ARHGAP15: variants seen among roughly 807,000 people sequenced by gnomAD.
ARHGAP15 encodes the protein rho GTPase-activating protein 15.
Under a neutral mutation model 63.7 loss-of-function variants are expected in ARHGAP15, and 51 were observed. The observed-to-expected ratio is 0.80, with a 90% CI of 0.64 to 1.01. ARHGAP15 has a LOEUF of 1.01. Among genes scored for constraint, ARHGAP15 ranks in the 50% least tolerant of loss-of-function variants. The pLI, the probability that ARHGAP15 is intolerant of heterozygous loss-of-function variation, is 0.00. For missense variants in ARHGAP15, 560 were observed against 564.6 expected (o/e 0.99, Z 0.08); for synonymous variants, 191 against 193.8 (o/e 0.99, Z 0.12).
At chr2:143,527,153 T>C (rs1214801730) in intron 10 of ARHGAP15, among the ~76,000 whole-genome samples, 1 of 152,122 alleles carries the variant, frequency 6.6e-6, no homozygotes, top group East Asian at 1.9e-4. Flanking sequence ...TACTTTCAAA[T>C]TGTATACTCA....
intron 1 of ARHGAP15, among the ~76,000 whole-genome samples, chr2:143,131,249 A>G (rs893557024): frequency 6.6e-6 from 1 of 152,196 alleles, no homozygotes; most frequent in South Asian, 2.1e-4. Context: ...ATTGTTTGTA[A>G]AGAGCAGTAA....
At chr2:143,368,275 C>T (rs1427223760) in intron 6 of ARHGAP15, among the ~76,000 whole-genome samples, 1 of 151,898 alleles carries the variant, frequency 6.6e-6, no homozygotes, top group Non-Finnish European at 1.5e-5. Flanking sequence ...ATATGAAGAG[C>T]GTCTTAGACG....
At chr2:143,300,186 G>A (rs1187308928) in intron 6 of ARHGAP15, among the ~76,000 whole-genome samples, 2 of 151,996 alleles carry the variant, frequency 1.3e-5, no homozygotes, top group African/African-American at 2.4e-5. Context: ...AAGGGACCAG[G>A]TCTGTTGGTA....
intron 6 of ARHGAP15, among the ~76,000 whole-genome samples, chr2:143,265,923 T>G (rs1267835949): frequency 6.6e-6 from 1 of 152,110 alleles, no homozygotes; most frequent in Non-Finnish European, 1.5e-5. Context: ...ATTTAAAGTT[T>G]CAATAAAATA....
At position 143,569,057 on chromosome 2, in the gene ARHGAP15, A is replaced by G. The variant is rs573123949; in HGVS notation, c.1003+12572A>G. Reference sequence around the variant, plus strand: ...AGGGATAGCACTGGGAGAAATACCTAATGTAAATGACAGGTTGATGGGTGC... The same window carrying G: ...AGGGATAGCACTGGGAGAAATACCTGATGTAAATGACAGGTTGATGGGTGC... On this transcript the variant is annotated intron_variant, in intron 11 of 13. Transcript: ENST00000295095. Among the ~76,000 whole-genome samples the G allele has an allele frequency of 8.4e-4, 128 of 152,182 alleles. 1 individual carries two copies. Among genetic ancestry groups the G allele is most frequent in the Admixed American group, 2.0e-3 (30 of 15,286 alleles).
chr2:143,512,879 T>C (rs10204230), intron 9 of ARHGAP15, among the ~76,000 whole-genome samples: 63,385 of 152,118 alleles, frequency 0.42, 13,364 homozygotes, highest in Middle Eastern at 0.46. Flanking sequence ...TCTTCCCAAA[T>C]TGGCTGTCCC....
intron 2 of ARHGAP15, among the ~76,000 whole-genome samples, chr2:143,157,338 C>T (rs567142883): frequency 6.6e-6 from 1 of 152,030 alleles, no homozygotes; most frequent in East Asian, 2.0e-4. Context: ...CTGTATCCAG[C>T]TGCTAAATGA....
At chr2:143,540,800 GC>G (rs1156439146) in intron 10 of ARHGAP15, among the ~76,000 whole-genome samples, 1 of 152,106 alleles carries the variant, frequency 6.6e-6, no homozygotes. Context: ...CTCTCTGGCT[GC>G]CCTTAACATT....
intron 13 of ARHGAP15, among the ~76,000 whole-genome samples, chr2:143,729,122 G>C (rs146486641): frequency 6.6e-6 from 1 of 152,134 alleles, no homozygotes. Context: ...TTACCCCTGC[G>C]GCTCACATAC....
intron 2 of ARHGAP15, among the ~76,000 whole-genome samples, chr2:143,169,588 A>G (rs766703371): frequency 1.5e-4 from 23 of 152,048 alleles, no homozygotes; most frequent in Non-Finnish European, 2.9e-4. Context: ...TTTGGAACAC[A>G]TTATCCTTTG....
chr2:143,460,431 A>G (rs1221469368), intron 8 of ARHGAP15, among the ~76,000 whole-genome samples: 2 of 152,216 alleles, frequency 1.3e-5, no homozygotes. Context: ...CATGAATGAC[A>G]GACATCTGGA....
intron 6 of ARHGAP15, among the ~76,000 whole-genome samples, chr2:143,306,872 A>G (rs895698829): frequency 1.3e-5 from 2 of 152,116 alleles, no homozygotes; most frequent in Non-Finnish European, 2.9e-5. Flanking sequence ...TGACAGCTTA[A>G]AACAACACAC....
chr2:143,700,351 G>A (rs950697514), intron 12 of ARHGAP15, among the ~76,000 whole-genome samples: 6 of 152,102 alleles, frequency 3.9e-5, no homozygotes, highest in Non-Finnish European at 7.4e-5. Context: ...ACTGGATCAT[G>A]TTCCCTATAA....
At chr2:143,657,142 C>T (rs1350627799) in intron 12 of ARHGAP15, among the ~76,000 whole-genome samples, 1 of 152,086 alleles carries the variant, frequency 6.6e-6, no homozygotes, top group African/African-American at 2.4e-5. Flanking sequence ...GTCAGGAGAT[C>T]GAGACCATCC....
chr2:143,325,699 C>G (rs1428584617), intron 6 of ARHGAP15, among the ~76,000 whole-genome samples: 1 of 152,084 alleles, frequency 6.6e-6, no homozygotes, highest in Admixed American at 6.5e-5. Context: ...GGACCTTGAG[C>G]TGTTGTATAC....
At chr2:143,489,463 G>A (rs1390322334) in intron 9 of ARHGAP15, among the ~76,000 whole-genome samples, 10 of 152,122 alleles carry the variant, frequency 6.6e-5, no homozygotes, top group Non-Finnish European at 1.5e-5. Flanking sequence ...TACAGATCAA[G>A]TTATGCAAAT....
At chr2:143,241,267 A>C (rs1401262727) in intron 5 of ARHGAP15, among the ~76,000 whole-genome samples, 1 of 152,176 alleles carries the variant, frequency 6.6e-6, no homozygotes, top group Non-Finnish European at 1.5e-5. Flanking sequence ...CTAGGTTCAT[A>C]TTTTACTTGC....
intron 11 of ARHGAP15, among the ~76,000 whole-genome samples, chr2:143,590,744 T>C (rs949330598): frequency 6.6e-5 from 10 of 152,182 alleles, no homozygotes; most frequent in Admixed American, 4.6e-4. Flanking sequence ...TTTTATTTTG[T>C]CACTAACAGC....
intron 6 of ARHGAP15, among the ~76,000 whole-genome samples, chr2:143,272,576 C>T (rs1014242321): frequency 1.3e-5 from 2 of 152,102 alleles, no homozygotes; most frequent in African/African-American, 4.8e-5. Flanking sequence ...TTGCTTGATC[C>T]CAGGAGACAG....
Sources: allele counts gnomAD v4.1 joint callset (sites outside exome capture counted in the v4.1 genomes callset), GRCh38; gene constraint gnomAD v4.1.1; transcripts MANE v1.5; gene names NCBI Gene and HGNC (gene_info 2026-07-23, HGNC 2026-07-21).